CDH4: variants seen among roughly 807,000 people sequenced by gnomAD.
The protein encoded by CDH4 is cadherin-4.
A neutral mutation model predicts 86.0 loss-of-function variants in CDH4; 33 were observed. That is an observed-to-expected ratio of 0.38 (90% CI 0.29 to 0.51). The LOEUF is 0.51. Ranked by LOEUF, CDH4 falls within the 20% of genes least tolerant of loss-of-function variation. The pLI is 0.86. For synonymous variants in CDH4, 555 were observed against 549.4 expected (o/e 1.01, Z -0.14); for missense variants, 1,114 against 1,307.4 (o/e 0.85, Z 2.28).
intron 2 of CDH4, among the ~76,000 whole-genome samples, chr20:61,554,447 T>C (rs376449293): frequency 1.3e-3 from 197 of 152,302 alleles, no homozygotes; most frequent in African/African-American, 4.7e-3. Flanking sequence ...CCCTATTTTC[T>C]CTTAAAGTTA....
intron 2 of CDH4, among the ~76,000 whole-genome samples, chr20:61,565,062 T>TTGGTGGTAGTGGTGGTGGTGG (rs1555808994): frequency 2.0e-5 from 2 of 101,218 alleles, no homozygotes; most frequent in Non-Finnish European, 3.9e-5. Flanking sequence ...GGTGGTGCTC[T>TTGGTGGTAGTGGTGGTGGTGG]TGGTGGTGGT....
intron 2 of CDH4, among the ~76,000 whole-genome samples, chr20:61,450,776 A>G (rs2145545346): frequency 6.9e-6 from 1 of 145,866 alleles, no homozygotes; most frequent in East Asian, 2.3e-4. Flanking sequence ...GGGTTAGGGC[A>G]GAGAGAACCC....
At chr20:61,483,408 T>C (rs1035278866) in intron 2 of CDH4, among the ~76,000 whole-genome samples, 45 of 152,166 alleles carry the variant, frequency 3.0e-4, no homozygotes, top group Non-Finnish European at 1.0e-4. Flanking sequence ...TTGAGTTCAG[T>C]CCTCATGTCG....
rs1345630835 is a variant in CDH4, at chr20:61,681,980, G to GCAGAA, written c.170-61583_170-61582insCAGAA. On this transcript the variant is annotated intron_variant, in intron 2 of 15. Transcript: ENST00000614565. This position sits in a 1 kb window ranked among gnomAD's most constrained non-coding sequence, Gnocchi z 4.5. ...TTGTCATTGCAGAAGGAAGCCCAGT[G>GCAGAA]GGTTTCAGCTGCTAGTGGAGAACCT... is the stretch of plus-strand genomic sequence containing the variant. Among the ~76,000 whole-genome samples, 5 of 152,228 alleles carry GCAGAA rather than the reference G, an allele frequency of 3.3e-5. No individual in the cohort carries two copies. The highest frequency in any genetic ancestry group is 7.3e-5 in the Non-Finnish European group (5 of 68,046).
intron 2 of CDH4, among the ~76,000 whole-genome samples, chr20:61,643,724 G>A (rs1466794898): frequency 6.6e-6 from 1 of 152,220 alleles, no homozygotes; most frequent in South Asian, 2.1e-4. Context: ...CAGCAATGCT[G>A]TACACAGCCA....
Position 61,679,780 on chromosome 20 carries a change from G to A in CDH4, c.170-63783G>A, listed in dbSNP as rs369711710. Among the ~76,000 whole-genome samples, 107 of 152,318 alleles carry A rather than the reference G, an allele frequency of 7.0e-4. 3 individuals are homozygous for A. The South Asian group carries it at 0.021, about 29-fold the overall frequency. On this transcript the variant is annotated intron_variant, in intron 2 of 15. Coordinates refer to ENST00000614565, the MANE Select transcript of CDH4 (RefSeq NM_001794.5). ...AAGGACGTTCTGGTTTCAGCAGCCC[G>A]CTGGCCTGCAGCAGAAACCTGGACC...
At chr20:61,781,250 A>AAGGG (rs1568811978) in intron 4 of CDH4, among the ~76,000 whole-genome samples, 5 of 151,456 alleles carry the variant, frequency 3.3e-5, no homozygotes, top group African/African-American at 1.2e-4. Flanking sequence ...ACATGTCAAA[A>AAGGG]AGAGAGAAAA....
intron 2 of CDH4, among the ~76,000 whole-genome samples, chr20:61,686,425 G>A (rs997082324): frequency 7.9e-5 from 12 of 151,396 alleles, no homozygotes; most frequent in Admixed American, 2.6e-4. Flanking sequence ...GTACATTTGC[G>A]TGTGTATGTG....
At position 61,392,403 on chromosome 20, in the gene CDH4, G is replaced by A. The variant is rs186082545; in HGVS notation, c.169+137466G>A. 2.6e-5 allele frequency among the ~76,000 whole-genome samples: 4 copies of A among 152,250 alleles called. No individual in the cohort carries two copies. Among genetic ancestry groups the A allele is most frequent in the Non-Finnish European group, 5.9e-5 (4 of 68,018 alleles). ...TCACAGGGCGCCACCGGGATGGAAC[G>A]CACGGCGCCCCGACGTGATTTTCCA... On this transcript the variant is annotated intron_variant, in intron 2 of 15. Transcript: ENST00000614565. This position sits in a 1 kb window ranked among gnomAD's most constrained non-coding sequence, Gnocchi z 5.7.
At chr20:61,605,389 G>A (rs951014920) in intron 2 of CDH4, among the ~76,000 whole-genome samples, 1 of 151,438 alleles carries the variant, frequency 6.6e-6, no homozygotes, top group African/African-American at 2.4e-5. Flanking sequence ...CTGTATCTCT[G>A]TCTCTCTGTC....
At chr20:61,320,840 C>T (rs955172983) in intron 2 of CDH4, among the ~76,000 whole-genome samples, 17 of 151,874 alleles carry the variant, frequency 1.1e-4, no homozygotes, top group Middle Eastern at 3.4e-3. Context: ...TGTGGGGACA[C>T]GGCCAGGTGG....
At chr20:61,859,073 C>A (rs1435154583) in intron 6 of CDH4, among the ~76,000 whole-genome samples, 1 of 152,178 alleles carries the variant, frequency 6.6e-6, no homozygotes, top group South Asian at 2.1e-4. Flanking sequence ...CAGCATCTGA[C>A]GTTGTCATCA....
At chr20:61,900,931 ACAG>A (rs1985367264) in intron 8 of CDH4, among the ~76,000 whole-genome samples, 1 of 152,212 alleles carries the variant, frequency 6.6e-6, no homozygotes. Context: ...AATGAGTAAA[ACAG>A]CAACAATATG....
At chr20:61,474,826 G>T (rs1485195328) in intron 2 of CDH4, among the ~76,000 whole-genome samples, 2 of 152,092 alleles carry the variant, frequency 1.3e-5, no homozygotes, top group African/African-American at 4.8e-5. Context: ...ATACTCTAGA[G>T]CTGTCTGTTG....
Position 61,581,631 on chromosome 20 carries a change from C to G in CDH4, c.170-161932C>G, listed in dbSNP as rs543187175. Among the ~76,000 whole-genome samples, 7 of 152,274 alleles carry G rather than the reference C, an allele frequency of 4.6e-5. No individual in the cohort carries two copies. In the East Asian group the frequency reaches 1.4e-3, roughly 29 times the overall value. The stretch of plus-strand genomic sequence containing the variant: ...TCCTCGGACCCGCCCTGCTTCCTCC[C>G]TCCTGTAAGGACCCGTGATGATGCC... On this transcript the variant is annotated intron_variant, in intron 2 of 15. Transcript: ENST00000614565.
At chr20:61,737,061 G>A (rs2088275079) in intron 2 of CDH4, among the ~76,000 whole-genome samples, 1 of 152,138 alleles carries the variant, frequency 6.6e-6, no homozygotes, top group Non-Finnish European at 1.5e-5. Flanking sequence ...AGCCCTTCCT[G>A]GGAAGGTTTG....
intron 4 of CDH4, among the ~76,000 whole-genome samples, chr20:61,794,481 A>T (rs1452474311): frequency 4.6e-5 from 7 of 152,172 alleles, no homozygotes; most frequent in Admixed American, 4.6e-4. Flanking sequence ...AAGGACATTA[A>T]TTCCTCAGCA....
intron 2 of CDH4, among the ~76,000 whole-genome samples, chr20:61,383,776 C>CGT (rs1555844324): frequency 1.3e-5 from 1 of 74,308 alleles, no homozygotes; most frequent in African/African-American, 4.4e-5. Flanking sequence ...GATATATATG[C>CGT]ATATATATGA....
At chr20:61,325,669 A>G (rs2084533200) in intron 2 of CDH4, among the ~76,000 whole-genome samples, 1 of 152,028 alleles carries the variant, frequency 6.6e-6, no homozygotes, top group Non-Finnish European at 1.5e-5. Flanking sequence ...GCCACAGCAA[A>G]GCGGGCCCCG....
Sources: gnomAD v4.1 joint callset for allele counts (sites outside exome capture counted in the v4.1 genomes callset) on GRCh38, gnomAD v4.1.1 for gene constraint, Gnocchi (gnomAD v3.1) non-coding constraint, MANE v1.5 for transcripts, NCBI Gene and HGNC (gene_info 2026-07-23, HGNC 2026-07-21) for gene names.